The following RIF1 variants were observed in gnomAD, a reference collection of about 807,000 sequenced individuals.
RIF1 encodes the protein telomere-associated protein RIF1.
A neutral mutation model predicts 247.1 loss-of-function variants in RIF1; 45 were observed. The observed-to-expected ratio is 0.18, with a 90% CI of 0.14 to 0.23. The LOEUF is 0.23. Ranked by LOEUF, RIF1 falls within the 10% of genes least tolerant of loss-of-function variation. RIF1 has a pLI of 1.00. For missense variants in RIF1, 2,967 were observed against 2,862.5 expected (o/e 1.04, Z -0.83); for synonymous variants, 1,087 against 978.8 (o/e 1.11, Z -2.06).
At chr2:151,519,665 G>T in the RIF1 span, 2 of 1,604,448 alleles carry the variant, frequency 1.2e-6, no homozygotes, top group Non-Finnish European at 8.5e-7. Context: ...TACCTCACTT[G>T]CAAGATTATT....
chr2:151,410,316 G>A (rs1300311233), intron 1 of RIF1, 98 bp from the exon 2 acceptor site: 9 of 908,134 alleles, frequency 9.9e-6, no homozygotes, highest in South Asian at 1.5e-5. Context: ...GTGAGGCCCG[G>A]GCGGGCGTGC....
chr2:151,524,178 A>C, the RIF1 span: 3 of 729,040 alleles, frequency 4.1e-6, no homozygotes, highest in Non-Finnish European at 6.7e-6. Flanking sequence ...CACTTTTTAT[A>C]ACTCTTGGAA....
chr2:151,438,558 A>G (rs1027287450), intron 13 of RIF1, 126 bp from the exon 14 acceptor site: 4 of 671,894 alleles, frequency 6.0e-6, no homozygotes, highest in East Asian at 5.5e-5. Context: ...GAGTATCATG[A>G]GGAAAATTAA....
intron 9 of RIF1, among the ~76,000 whole-genome samples, chr2:151,432,395 G>GT (rs1215055280): frequency 6.6e-6 from 1 of 152,118 alleles, no homozygotes; most frequent in Non-Finnish European, 1.5e-5. Flanking sequence ...TGGCATAAAT[G>GT]TTTTTTCTGA....
Position 151,414,808 on chromosome 2 carries a change from A to G in RIF1, c.184-15A>G, listed in dbSNP as rs1686910606. 6.3e-7 allele frequency: 1 copy of G among 1,577,878 alleles called. No individual in the cohort carries two copies. Among genetic ancestry groups the G allele is most frequent in the African/African-American group, 1.4e-5 (1 of 73,866 alleles). ...GTTGTGCTTGTTTGTAATAAATGTG[A>G]TTTTGTTTTTGTAGACTCACATTTC... is the stretch of plus-strand genomic sequence containing the variant. On this transcript the variant is annotated splice_polypyrimidine_tract_variant and intron_variant, in intron 3 of 35. Coordinates refer to ENST00000444746, the MANE Select transcript of RIF1 (RefSeq NM_018151.5).
chr2:151,422,745 C>A (rs1009453724), intron 7 of RIF1, among the ~76,000 whole-genome samples: 1 of 151,570 alleles, frequency 6.6e-6, no homozygotes, highest in Admixed American at 6.6e-5. Context: ...AGAGTGAGGC[C>A]GAGGCAGGTG....
At position 151,465,194 on chromosome 2, in the gene RIF1, C is replaced by T; in HGVS notation, c.5674C>T (p.Leu1892=). Residue 1892 remains leucine, a synonymous_variant, in exon 30 of 36, where the codon CTG becomes TTG. Transcript: ENST00000444746. ...EKPEETPKME[L]SLENVTVEGN... ...ACCAGAAGAAACCCCAAAAATGGAA[C>T]TGAGTCTAGAGAATGTTACTGTTGA... is the stretch of plus-strand genomic sequence containing the variant. 6.2e-7 allele frequency: 1 copy of T among 1,612,920 alleles called. No homozygotes were observed. The highest frequency in any genetic ancestry group is 8.5e-7 in the Non-Finnish European group (1 of 1,179,752).
chr2:151,534,344 T>A, the RIF1 span: 1 of 1,585,842 alleles, frequency 6.3e-7, no homozygotes, highest in Non-Finnish European at 8.6e-7. Flanking sequence ...TAGCATATTA[T>A]AGCAAGAGTA....
At chr2:151,508,280 A>G (rs1400279593), downstream of RIF1, among the ~76,000 whole-genome samples, 1 of 152,196 alleles carries the variant, frequency 6.6e-6, no homozygotes, top group Non-Finnish European at 1.5e-5. Context: ...CTCTCAGTCA[A>G]AGAAAGAGCA....
At chr2:151,433,453 A>T (rs1690541546) in intron 10 of RIF1, among the ~76,000 whole-genome samples, 1 of 151,818 alleles carries the variant, frequency 6.6e-6, no homozygotes, top group Admixed American at 6.6e-5. Context: ...TTATTTATTT[A>T]TTATTAATTT....
the RIF1 span, chr2:151,526,165 A>C: frequency 6.2e-7 from 1 of 1,613,882 alleles, no homozygotes; most frequent in Non-Finnish European, 8.5e-7. Flanking sequence ...TACCTCAGAC[A>C]CCAGGTTGCT....
In RIF1 at chr2:151,438,732, C is replaced by T. The variant is rs922128915; in HGVS notation, c.1532C>T (p.Ser511Leu). 4.3e-6 allele frequency: 7 copies of T among 1,609,862 alleles called. No homozygotes were observed. The African/African-American group carries it at 9.4e-5, about 22-fold the overall frequency. Residue 511 changes from serine (S) to leucine (L), a missense_variant, in exon 14 of 36, where the codon TCA becomes TTA. Ser to Leu is a moderately radical substitution (Grantham distance 145). This residue lies in a region of RIF1 where 369 missense variants were observed against 322.0 expected (regional missense o/e 1.15). Coordinates refer to ENST00000444746, the MANE Select transcript of RIF1 (RefSeq NM_018151.5). ...IWKELISLVK[S>L]VTESGNKKEK... ...AAGGAGCTAATTAGCTTGGTGAAGT[C>T]AGTTACTGAATCAGGTAAGCACTAT...
chr2:151,466,361 T>C (rs571398362), intron 30 of RIF1, among the ~76,000 whole-genome samples: 1 of 152,358 alleles, frequency 6.6e-6, no homozygotes, highest in East Asian at 1.9e-4. Context: ...GCTGTGCACA[T>C]TGTTCACCTT....
Position 151,435,018 on chromosome 2 carries a change from C to T in RIF1, c.1078-445C>T, listed in dbSNP as rs117741127. ...AATAATTGAAGATGGGCATTGTCAA[C>T]AATGTAATTTGCATCATAATGAATT... On this transcript the variant is annotated intron_variant, in intron 10 of 35. Transcript: ENST00000444746. Among the ~76,000 whole-genome samples the T allele has an allele frequency of 2.3e-3, 352 of 152,188 alleles. 9 individuals are homozygous for T. The East Asian group carries it at 0.046, about 20-fold the overall frequency.
intron 1 of RIF1, 53 bp from the exon 2 acceptor site, chr2:151,410,361 G>C: frequency 1.4e-6 from 2 of 1,458,550 alleles, no homozygotes; most frequent in South Asian, 1.2e-5. Context: ...GGGCCGCCGC[G>C]GGGCTGTTTC....
At chr2:151,473,229 T>C (rs535773789) in intron 34 of RIF1, among the ~76,000 whole-genome samples, 6 of 152,128 alleles carry the variant, frequency 3.9e-5, no homozygotes, top group African/African-American at 1.4e-4. Context: ...GTTAACTTTC[T>C]GAACTTAGTA....
At chr2:151,439,986 A>AAAAAAAAG (rs2152366829) in intron 14 of RIF1, 41 bp from the exon 15 acceptor site, 1 of 797,816 alleles carries the variant, frequency 1.3e-6, no homozygotes, top group Non-Finnish European at 2.0e-6. Context: ...AAAAAAAAAA[A>AAAAAAAAG]AAAAAAAAAG....
chr2:151,410,346 A>C, intron 1 of RIF1, 68 bp from the exon 2 acceptor site: 1 of 1,323,350 alleles, frequency 7.6e-7, no homozygotes, highest in Non-Finnish European at 1.1e-6. Context: ...GGCCGGACTC[A>C]CACTGGGCCG....
In RIF1 at chr2:151,460,997, A is replaced by G. The variant is rs115756856; in HGVS notation, c.3076-141A>G. ...GAAAGAAAGTGGGGAACATTGTACT[A>G]ATTTGTTACGGATCATGAGTATCAT... On this transcript the variant is annotated intron_variant, in intron 26 of 35. Coordinates refer to ENST00000444746, the MANE Select transcript of RIF1 (RefSeq NM_018151.5). The G allele has an allele frequency of 4.2e-3, 3,077 of 734,550 alleles. 14 individuals are homozygous for G. The highest frequency in any genetic ancestry group is 5.9e-3 in the Non-Finnish European group (2,613 of 443,784). 45.5% of individuals were successfully genotyped at this position (734,550 alleles called of 1,614,324 possible). A position where few individuals can be genotyped will look rare whatever the true frequency, so the allele number is the denominator to read the frequency against.
Sources: gnomAD v4.1 joint callset for allele counts (sites outside exome capture counted in the v4.1 genomes callset) on GRCh38, gnomAD v4.1.1 for gene constraint, gnomAD v4.1.1 regional missense constraint, MANE v1.5 for transcripts, NCBI Gene and HGNC (gene_info 2026-07-23, HGNC 2026-07-21) for gene names.